OGA: variants seen among roughly 807,000 people sequenced by gnomAD.
OGA encodes protein O-GlcNAcase.
A neutral mutation model predicts 102.0 loss-of-function variants in OGA; 21 were observed. The ratio of observed to expected loss-of-function variants is 0.21; its 90% CI spans 0.15 to 0.30. OGA has a LOEUF of 0.30. OGA is among the 10% of genes least tolerant of loss of function. The pLI is 1.00. For synonymous variants in OGA, 408 were observed against 378.2 expected (o/e 1.08, Z -0.91); for missense variants, 765 against 1,107.8 (o/e 0.69, Z 4.39).
intron 2 of OGA, 72 bp downstream of exon 2, chr10:101,813,483 G>C (rs1258045802): frequency 1.0e-6 from 1 of 980,148 alleles, no homozygotes; most frequent in Non-Finnish European, 1.5e-6. Context: ...TTCACTGTTA[G>C]TATTTCTTCA....
chr10:101,799,099 C>G lies in OGA; in HGVS notation c.1552G>C (p.Glu518Gln), dbSNP rs2065356697. The G allele has an allele frequency of 6.2e-7, 1 of 1,614,242 alleles. No individual in the cohort carries two copies. Among genetic ancestry groups the G allele is most frequent in the East Asian group, 2.2e-5 (1 of 44,888 alleles). ...GGGGCAATGTCACTAATACAATCTT[C>G]TTGCATGGACATCTCTGGGGATTTT... ...ESKSPEMSMQ[E>Q]DCISDIAPMQ... The change falls in exon 9 of 16, where the codon GAA becomes CAA. Residue 518 changes from glutamate (E) to glutamine (Q), a missense_variant. By Grantham distance (29) the Glu-to-Gln change is conservative (BLOSUM62 2). Around this residue, in one of 7 missense-constraint regions of OGA, gnomAD observed 281 missense variants for 345.8 expected, o/e 0.81. Transcript: ENST00000361464.
intron 11 of OGA, 128 bp downstream of exon 11, chr10:101,793,785 T>C (rs886796167): frequency 6.8e-5 from 45 of 663,444 alleles, no homozygotes; most frequent in Non-Finnish European, 1.1e-4. Context: ...AATCCAGCTA[T>C]GTAACTAAAT....
At chr10:101,790,823 A>C in intron 14 of OGA, 73 bp downstream of exon 14, 1 of 1,114,430 alleles carries the variant, frequency 9.0e-7, no homozygotes, top group Non-Finnish European at 1.2e-6. Flanking sequence ...TTTAGTAAGT[A>C]CTTTAATAAA....
chr10:101,799,334 G>C lies in OGA; in HGVS notation c.1317C>G (p.Ser439Arg). ...VTTVYQEPIM[S>R]QGAALSGEPT... ...GCTCACCACTCAAGGCTGCTCCCTG[G>C]CTCATAATGGGCTCCTGATAAACTG... Residue 439 changes from serine to arginine, a missense_variant, in exon 9 of 16, where the codon AGC becomes AGG. Physicochemically the swap from Ser to Arg is moderately radical, Grantham distance 110. This residue lies in a region of OGA where 281 missense variants were observed against 345.8 expected (regional missense o/e 0.81). Transcript: ENST00000361464. 1 of 1,614,102 alleles carries C rather than the reference G, an allele frequency of 6.2e-7. No homozygotes were observed. The highest frequency in any genetic ancestry group is 8.5e-7 in the Non-Finnish European group (1 of 1,180,018).
intron 14 of OGA, chr10:101,787,759 G>GCTCTCTCT (rs139475608): frequency 8.0e-6 from 3 of 373,752 alleles, no homozygotes; most frequent in Admixed American, 7.7e-5. Flanking sequence ...GCGTGCACGC[G>GCTCTCTCT]CTCTCTCTCT....
intron 1 of OGA, among the ~76,000 whole-genome samples, chr10:101,815,020 T>G (rs957776470): frequency 1.3e-5 from 2 of 152,152 alleles, no homozygotes; most frequent in Non-Finnish European, 2.9e-5. Flanking sequence ...GGACAGCCTC[T>G]CAAGAGTACC....
intron 14 of OGA, among the ~76,000 whole-genome samples, chr10:101,788,734 CAAA>C (rs755718266): frequency 2.6e-5 from 2 of 76,474 alleles, no homozygotes. Context: ...AACTCCGTCT[CAAA>C]AAAAAAAAAA....
intron 3 of OGA, among the ~76,000 whole-genome samples, chr10:101,811,743 T>G (rs562456218): frequency 6.6e-6 from 1 of 152,180 alleles, no homozygotes; most frequent in African/African-American, 2.4e-5. Context: ...GCCTTAACAA[T>G]CTTGACCTGT....
rs1458523090 is a variant in OGA, at chr10:101,799,149, G to A, written c.1502C>T (p.Thr501Ile). The change falls in exon 9 of 16, where the codon ACT becomes ATT. Residue 501 changes from threonine (T) to isoleucine (I), a missense_variant. Thr to Ile is a moderately conservative substitution (Grantham distance 89). This residue lies in a region of OGA where 281 missense variants were observed against 345.8 expected (regional missense o/e 0.81). Coordinates refer to ENST00000361464, the MANE Select transcript of OGA (RefSeq NM_012215.5). Reference sequence around the variant, plus strand: ...TGATTCAGCTATGCTCTCTTTATCAGTGTCCATTGGTTTCAATTCCTCTGC... The same window carrying A: ...TGATTCAGCTATGCTCTCTTTATCAATGTCCATTGGTTTCAATTCCTCTGC... ...KMAEELKPMD[T>I]DKESIAESKS... The A allele has an allele frequency of 6.2e-7, 1 of 1,614,078 alleles. No homozygotes were observed.
At chr10:101,800,511 G>T in intron 7 of OGA, 111 bp from the exon 8 acceptor site, 1 of 786,572 alleles carries the variant, frequency 1.3e-6, no homozygotes, top group South Asian at 1.9e-5. Context: ...CAGAAACAAA[G>T]AACAGAATGA....
At chr10:101,812,768 G>GT in intron 3 of OGA, 1 of 551,296 alleles carries the variant, frequency 1.8e-6, no homozygotes, top group South Asian at 1.6e-5. Flanking sequence ...TTAATCCACT[G>GT]GCAGAAGTAA....
At chr10:101,805,899 G>C (rs933170673) in intron 6 of OGA, 146 bp downstream of exon 6, 4 of 566,254 alleles carry the variant, frequency 7.1e-6, no homozygotes, top group Non-Finnish European at 1.3e-5. Flanking sequence ...AGCGTGCAGT[G>C]AGCCGAGATC....
At chr10:101,813,482 A>C in intron 2 of OGA, 73 bp downstream of exon 2, 2 of 955,334 alleles carry the variant, frequency 2.1e-6, no homozygotes, top group Non-Finnish European at 3.2e-6. Context: ...ATTCACTGTT[A>C]GTATTTCTTC....
intron 4 of OGA, among the ~76,000 whole-genome samples, chr10:101,808,412 A>C (rs537309347): frequency 1.3e-5 from 2 of 152,334 alleles, no homozygotes; most frequent in African/African-American, 4.8e-5. Flanking sequence ...CAAAGTCAGA[A>C]AAATACAGAA....
At position 101,812,841 on chromosome 10, in the gene OGA, T is replaced by C; in HGVS notation, c.349+189A>G. 3 of 658,306 alleles carry C rather than the reference T, an allele frequency of 4.6e-6. No homozygotes were observed. The Middle Eastern group carries it at 7.3e-4, about 160-fold the overall frequency. 40.8% of individuals were successfully genotyped at this position (658,306 alleles called of 1,614,324 possible). ...CCTAGCACGCCCATGATATCACACA[T>C]ATGGTCATGACCTTGCTAGCGCAGA... On this transcript the variant is annotated intron_variant, in intron 3 of 15. Coordinates refer to ENST00000361464, the MANE Select transcript of OGA (RefSeq NM_012215.5).
intron 10 of OGA, among the ~76,000 whole-genome samples, chr10:101,794,454 C>T (rs977213395): frequency 6.6e-6 from 1 of 151,910 alleles, no homozygotes; most frequent in Non-Finnish European, 1.5e-5. Flanking sequence ...GGGAAAAGGG[C>T]GGGGGAGAAG....
intron 7 of OGA, among the ~76,000 whole-genome samples, chr10:101,801,353 T>C (rs969422985): frequency 1.3e-5 from 2 of 149,578 alleles, no homozygotes; most frequent in African/African-American, 5.0e-5. Flanking sequence ...GATCGGGCCA[T>C]TGCACTCCAG....
intron 11 of OGA, among the ~76,000 whole-genome samples, chr10:101,793,434 C>T (rs2135037961): frequency 6.6e-6 from 1 of 152,296 alleles, no homozygotes; most frequent in African/African-American, 2.4e-5. Context: ...CCTAGAAAGT[C>T]CATGAACAAA....
chr10:101,811,406 GAAAAAAAAAA>G (rs67433227), intron 3 of OGA, among the ~76,000 whole-genome samples: 4 of 45,706 alleles, frequency 8.8e-5, no homozygotes, highest in South Asian at 1.3e-3. Context: ...GAAAAAAAAT[GAAAAAAAAAA>G]AAAAAAAAAA....
Sources: gnomAD v4.1 joint callset for allele counts (sites outside exome capture counted in the v4.1 genomes callset) on GRCh38, gnomAD v4.1.1 for gene constraint, gnomAD v4.1.1 regional missense constraint, MANE v1.5 for transcripts, NCBI Gene and HGNC (gene_info 2026-07-23, HGNC 2026-07-21) for gene names.